GPHN: variants seen among roughly 807,000 people sequenced by gnomAD.
GPHN encodes the protein gephyrin.
GPHN carries 17 observed loss-of-function variants against 95.5 expected under a neutral mutation model. The observed-to-expected ratio is 0.18, with a 90% confidence interval of 0.12 to 0.27. GPHN has a LOEUF of 0.27. Among genes scored for constraint, GPHN ranks in the 10% least tolerant of loss-of-function variants. GPHN has a pLI of 1.00. For synonymous variants in GPHN, 320 were observed against 322.5 expected (o/e 0.99, Z 0.08); for missense variants, 660 against 978.1 (o/e 0.67, Z 4.34).
intron 10 of GPHN, among the ~76,000 whole-genome samples, chr14:67,049,790 C>T (rs1395892373): frequency 1.3e-5 from 2 of 152,144 alleles, no homozygotes; most frequent in African/African-American, 2.4e-5. Context: ...GGATTACAGG[C>T]GTGAGCCACC....
chr14:67,234,527 G>GAGTGAGACA, the GPHN span, among the ~76,000 whole-genome samples: 1 of 152,098 alleles, frequency 6.6e-6, no homozygotes, highest in Non-Finnish European at 1.5e-5. Context: ...GAGAGAATAG[G>GAGTGAGACA]AGAAGAGACA....
the GPHN span, chr14:67,729,555 T>G: frequency 8.7e-6 from 6 of 690,926 alleles, no homozygotes; most frequent in South Asian, 1.6e-5. Flanking sequence ...TACAAACTTA[T>G]GTGTTGGGAA....
At chr14:66,768,085 T>C (rs2059029302) in intron 2 of GPHN, among the ~76,000 whole-genome samples, 1 of 151,940 alleles carries the variant, frequency 6.6e-6, no homozygotes, top group Admixed American at 6.6e-5. Flanking sequence ...TACAAAGATT[T>C]AGAAAATCAA....
intron 9 of GPHN, among the ~76,000 whole-genome samples, chr14:66,979,190 C>G (rs1218681876): frequency 6.6e-6 from 1 of 152,182 alleles, no homozygotes; most frequent in Non-Finnish European, 1.5e-5. Context: ...TTAAAGTCAG[C>G]AGCTGCATTA....
chr14:67,150,453 C>CAAAAAA (rs1164806975), intron 18 of GPHN, among the ~76,000 whole-genome samples: 82 of 98,028 alleles, frequency 8.4e-4, no homozygotes, highest in African/African-American at 1.2e-3. Context: ...AAAAAAAAAA[C>CAAAAAA]AAAAAAAAAA....
At chr14:67,185,714 CATGTTACAGCAGGTGGATTCTTTTGG>C (rs2083365355), downstream of GPHN, among the ~76,000 whole-genome samples, 1 of 152,072 alleles carries the variant, frequency 6.6e-6, no homozygotes, top group South Asian at 2.1e-4. Context: ...GGTGATGTTG[CATGTTACAGCAGGTGGATTCTTTTGG>C]ATGGCTTTCA....
chr14:67,628,177 G>A, the GPHN span, among the ~76,000 whole-genome samples: 2 of 152,062 alleles, frequency 1.3e-5, no homozygotes, highest in Non-Finnish European at 2.9e-5. Flanking sequence ...CTATTTCTTT[G>A]GGTTCAAGCT....
At chr14:67,008,314 G>A (rs1457229666) in intron 9 of GPHN, among the ~76,000 whole-genome samples, 3 of 151,656 alleles carry the variant, frequency 2.0e-5, no homozygotes, top group African/African-American at 7.3e-5. Flanking sequence ...AAATTAGTTG[G>A]GTGTGGTGGT....
the GPHN span, among the ~76,000 whole-genome samples, chr14:67,437,390 G>A: frequency 1.2e-4 from 18 of 152,366 alleles, no homozygotes; most frequent in Non-Finnish European, 1.6e-4. Flanking sequence ...GATGGTCAGG[G>A]AAGGCTGAGC....
the GPHN span, chr14:67,581,016 G>A: frequency 2.5e-5 from 41 of 1,611,542 alleles, no homozygotes; most frequent in Admixed American, 3.8e-4. Flanking sequence ...GACACGCGTC[G>A]TGAAGCTGAT....
chr14:67,610,327 T>C, the GPHN span, among the ~76,000 whole-genome samples: 4,731 of 152,210 alleles, frequency 0.031, 226 homozygotes, highest in African/African-American at 0.11. Context: ...CCAAGATAAC[T>C]ATAAGAGGAA....
chr14:66,687,409 A>C (rs1238175276), intron 2 of GPHN, among the ~76,000 whole-genome samples: 1 of 150,460 alleles, frequency 6.6e-6, no homozygotes, highest in African/African-American at 2.4e-5. Flanking sequence ...TTTGATAGAG[A>C]TTGCGTTGAA....
At chr14:67,723,299 T>C in the GPHN span, among the ~76,000 whole-genome samples, 1 of 152,178 alleles carries the variant, frequency 6.6e-6, no homozygotes, top group African/African-American at 2.4e-5. Flanking sequence ...ATTGGTGTAG[T>C]CATAGGTCAC....
intron 2 of GPHN, among the ~76,000 whole-genome samples, chr14:66,702,673 A>G (rs2068667207): frequency 6.6e-6 from 1 of 152,222 alleles, no homozygotes; most frequent in African/African-American, 2.4e-5. Context: ...CAAAGATTGA[A>G]ATTAGACAAA....
intron 1 of GPHN, among the ~76,000 whole-genome samples, chr14:66,617,828 T>C (rs942473415): frequency 6.6e-6 from 1 of 152,234 alleles, no homozygotes; most frequent in Non-Finnish European, 1.5e-5. Flanking sequence ...ATTCTTGAAA[T>C]ATTAAACCTT....
At chr14:67,498,663 T>C in the GPHN span, among the ~76,000 whole-genome samples, 1 of 152,126 alleles carries the variant, frequency 6.6e-6, no homozygotes, top group African/African-American at 2.4e-5. Context: ...ATGTGTTTTG[T>C]TGTTGTTGGT....
At chr14:67,070,719 T>TAC (rs2076265733) in intron 11 of GPHN, among the ~76,000 whole-genome samples, 1 of 103,588 alleles carries the variant, frequency 9.7e-6, no homozygotes, top group Non-Finnish European at 1.6e-5. Context: ...AAAAAAAATA[T>TAC]ATATATATAT....
At chr14:67,338,992 C>CTT in the GPHN span, among the ~76,000 whole-genome samples, 82 of 131,132 alleles carry the variant, frequency 6.3e-4, no homozygotes, top group Middle Eastern at 3.5e-3. Flanking sequence ...AGACAGAAGC[C>CTT]TTTTTTTTTT....
At chr14:66,773,352 C>CTTTTTTTT (rs542180875) in intron 2 of GPHN, among the ~76,000 whole-genome samples, 1 of 121,832 alleles carries the variant, frequency 8.2e-6, no homozygotes, top group Non-Finnish European at 1.7e-5. Context: ...TTGGGGAAAT[C>CTTTTTTTT]TTTTTTTTTT....
Sources: gnomAD v4.1 joint callset for allele counts (sites outside exome capture counted in the v4.1 genomes callset) on GRCh38, gnomAD v4.1.1 for gene constraint, MANE v1.5 for transcripts, NCBI Gene and HGNC (gene_info 2026-07-23, HGNC 2026-07-21) for gene names.